The following GALNT13 variants were observed in gnomAD, a reference collection of about 807,000 sequenced individuals.
GALNT13 encodes the protein UDP-GalNAc:polypeptide N-acetylgalactosaminyltransferase 13.
A neutral mutation model predicts 64.2 loss-of-function variants in GALNT13; 28 were observed. The ratio of observed to expected loss-of-function variants is 0.44; its 90% confidence interval spans 0.32 to 0.60. The LOEUF is 0.60. Ranked by LOEUF, GALNT13 falls within the 20% of genes least tolerant of loss-of-function variation. GALNT13 has a pLI of 0.05. For missense variants in GALNT13, 577 were observed against 669.8 expected (o/e 0.86, Z 1.53); for synonymous variants, 214 against 224.6 (o/e 0.95, Z 0.42).
At chr2:153,286,812 T>A in the GALNT13 span, among the ~76,000 whole-genome samples, 11,520 of 152,228 alleles carry the variant, frequency 0.076, 1,527 homozygotes, top group African/African-American at 0.26. Context: ...TTATGTGAAT[T>A]TATAAATAAT....
chr2:153,880,046 A>G lies in GALNT13; in HGVS notation c.-177+7743A>G, dbSNP rs868650270. Among the ~76,000 whole-genome samples, 5 of 152,278 alleles carry G rather than the reference A, an allele frequency of 3.3e-5. 1 individual carries two copies. The Middle Eastern group carries it at 0.01, about 311-fold the overall frequency. On this transcript the variant is annotated intron_variant, in intron 1 of 12. Coordinates refer to ENST00000392825, the MANE Select transcript of GALNT13 (RefSeq NM_052917.4). ...TTTCAATCCATAACAAAATAACCATATATACTTCAAATACGTAACTAAGAT... is the reference window on the plus strand; with the variant it reads ...TTTCAATCCATAACAAAATAACCATGTATACTTCAAATACGTAACTAAGAT...
At chr2:154,043,455 T>TATATATACATACATACAC (rs1341373277) in intron 3 of GALNT13, among the ~76,000 whole-genome samples, 1 of 105,020 alleles carries the variant, frequency 9.5e-6, no homozygotes, top group African/African-American at 4.0e-5. Flanking sequence ...TATATATATA[T>TATATATACATACATACAC]ACACACATGT....
chr2:153,533,387 G>C, the GALNT13 span, among the ~76,000 whole-genome samples: 1 of 151,976 alleles, frequency 6.6e-6, no homozygotes, highest in Non-Finnish European at 1.5e-5. Flanking sequence ...AAGTAGCTGG[G>C]ATTACAGGCA....
chr2:153,636,351 G>A, the GALNT13 span, among the ~76,000 whole-genome samples: 7 of 152,094 alleles, frequency 4.6e-5, no homozygotes, highest in Non-Finnish European at 1.0e-4. Flanking sequence ...GTGAATAGGT[G>A]CAGAATCATA....
the GALNT13 span, among the ~76,000 whole-genome samples, chr2:153,820,773 T>C: frequency 6.6e-6 from 1 of 152,080 alleles, no homozygotes; most frequent in East Asian, 1.9e-4. Flanking sequence ...CTTAAGTATA[T>C]AGCCAACATA....
At chr2:154,348,889 G>A (rs982774327) in intron 9 of GALNT13, among the ~76,000 whole-genome samples, 3 of 152,244 alleles carry the variant, frequency 2.0e-5, no homozygotes, top group African/African-American at 4.8e-5. Flanking sequence ...TTTTTAAAGG[G>A]TCATGGAAAT....
intron 3 of GALNT13, among the ~76,000 whole-genome samples, chr2:154,087,545 C>T (rs1233987467): frequency 1.3e-5 from 2 of 152,026 alleles, no homozygotes; most frequent in Admixed American, 6.6e-5. Flanking sequence ...CTACAACCAC[C>T]ACTTCCTATC....
chr2:153,246,746 G>T, the GALNT13 span, among the ~76,000 whole-genome samples: 1 of 152,150 alleles, frequency 6.6e-6, no homozygotes, highest in Non-Finnish European at 1.5e-5. Context: ...CAACTAATGT[G>T]CAAAATAACC....
chr2:153,288,244 A>G, the GALNT13 span, among the ~76,000 whole-genome samples: 1 of 152,192 alleles, frequency 6.6e-6, no homozygotes, highest in Non-Finnish European at 1.5e-5. Context: ...TAGTACACAG[A>G]TATTATAAAG....
chr2:154,298,813 AT>A (rs1209546801), intron 8 of GALNT13, among the ~76,000 whole-genome samples: 2 of 3,734 alleles, frequency 5.4e-4, no homozygotes, highest in African/African-American at 1.2e-3. Context: ...TAAATTATAT[AT>A]TATTTATATA....
intron 2 of GALNT13, among the ~76,000 whole-genome samples, chr2:153,911,037 A>G (rs762457400): frequency 2.6e-5 from 4 of 152,146 alleles, no homozygotes; most frequent in Non-Finnish European, 2.9e-5. Flanking sequence ...ATCTCCCACT[A>G]TTATTGCATG....
At chr2:153,373,151 T>G in the GALNT13 span, among the ~76,000 whole-genome samples, 18 of 151,060 alleles carry the variant, frequency 1.2e-4, no homozygotes, top group Admixed American at 4.6e-4. Flanking sequence ...TGTGTGTGTG[T>G]GTGTGTGTGC....
chr2:153,705,585 C>T, the GALNT13 span, among the ~76,000 whole-genome samples: 4 of 152,174 alleles, frequency 2.6e-5, no homozygotes, highest in Admixed American at 6.6e-5. Flanking sequence ...TCACATGTCT[C>T]TCATTCTCCT....
intron 2 of GALNT13, among the ~76,000 whole-genome samples, chr2:153,907,483 C>G (rs1179414079): frequency 6.6e-6 from 1 of 151,624 alleles, no homozygotes; most frequent in Non-Finnish European, 1.5e-5. Context: ...GTTTGTTGTA[C>G]AGATTATTTT....
At chr2:154,064,405 C>A (rs1423708550) in intron 3 of GALNT13, among the ~76,000 whole-genome samples, 1 of 152,086 alleles carries the variant, frequency 6.6e-6, no homozygotes, top group Non-Finnish European at 1.5e-5. Flanking sequence ...GCCAGGGTGG[C>A]CTAGGGAATG....
chr2:154,047,814 G>A (rs2105339805), intron 3 of GALNT13, among the ~76,000 whole-genome samples: 1 of 152,272 alleles, frequency 6.6e-6, no homozygotes, highest in South Asian at 2.1e-4. Context: ...TGTTGTGAGT[G>A]CTCTCCTGTG....
chr2:153,943,830 A>G (rs1011422347), intron 2 of GALNT13, among the ~76,000 whole-genome samples: 1 of 152,172 alleles, frequency 6.6e-6, no homozygotes, highest in Non-Finnish European at 1.5e-5. Context: ...GTTCTGCAAG[A>G]TGCTTTATAA....
intron 9 of GALNT13, among the ~76,000 whole-genome samples, chr2:154,372,673 A>C (rs759998732): frequency 3.3e-5 from 5 of 152,130 alleles, no homozygotes; most frequent in Non-Finnish European, 7.4e-5. Context: ...GTATGTTTTT[A>C]GCTAGCCGAA....
chr2:154,184,772 A>G (rs1686161888), intron 4 of GALNT13, among the ~76,000 whole-genome samples: 1 of 152,134 alleles, frequency 6.6e-6, no homozygotes, highest in African/African-American at 2.4e-5. Flanking sequence ...TATTACTGCA[A>G]GGACAGTGCC....
Sources: gnomAD v4.1 joint callset for allele counts (sites outside exome capture counted in the v4.1 genomes callset) on GRCh38, gnomAD v4.1.1 for gene constraint, MANE v1.5 for transcripts, NCBI Gene and HGNC (gene_info 2026-07-23, HGNC 2026-07-21) for gene names.